The following LRRC4C variants were observed in gnomAD, a reference collection of about 807,000 sequenced individuals.
LRRC4C encodes leucine-rich repeat-containing protein 4C.
Under a neutral mutation model 33.6 loss-of-function variants are expected in LRRC4C, and 5 were observed. The ratio of observed to expected loss-of-function variants is 0.15; its 90% CI spans 0.08 to 0.31. The LOEUF (loss-of-function observed/expected upper bound fraction) is 0.31. Among genes scored for constraint, LRRC4C ranks in the 10% least tolerant of loss-of-function variants. The pLI is 1.00. For synonymous variants in LRRC4C, 329 were observed against 302.0 expected (o/e 1.09, Z -0.93); for missense variants, 560 against 796.7 (o/e 0.70, Z 3.58).
chr11:40,251,330 T>C (rs1866768918), intron 4 of LRRC4C, among the ~76,000 whole-genome samples: 3 of 152,176 alleles, frequency 2.0e-5, no homozygotes, highest in African/African-American at 7.2e-5. Context: ...TGTGTGATGT[T>C]ATTTAACTGC....
intron 1 of LRRC4C, among the ~76,000 whole-genome samples, chr11:40,978,534 C>A (rs964759962): frequency 6.6e-6 from 1 of 152,070 alleles, no homozygotes; most frequent in Admixed American, 6.5e-5. Context: ...GCCCCCTTCA[C>A]AACAAAAGAT....
chr11:40,661,603 G>A (rs1472752594), intron 2 of LRRC4C, among the ~76,000 whole-genome samples: 1 of 152,140 alleles, frequency 6.6e-6, no homozygotes, highest in Non-Finnish European at 1.5e-5. Context: ...CTCTTTAGAA[G>A]GTGGTAATAA....
chr11:41,097,471 T>C (rs1280319228), intron 1 of LRRC4C, among the ~76,000 whole-genome samples: 1 of 152,136 alleles, frequency 6.6e-6, no homozygotes, highest in East Asian at 1.9e-4. Flanking sequence ...ACAAAGAATG[T>C]TCTTCTGTAT....
At chr11:41,212,955 A>C (rs906162201) in intron 1 of LRRC4C, among the ~76,000 whole-genome samples, 4 of 152,180 alleles carry the variant, frequency 2.6e-5, no homozygotes, top group Non-Finnish European at 5.9e-5. Context: ...CACTGAATTC[A>C]ATCTTTGTTC....
At chr11:40,459,900 G>C (rs1214233281) in intron 3 of LRRC4C, among the ~76,000 whole-genome samples, 1 of 152,148 alleles carries the variant, frequency 6.6e-6, no homozygotes, top group East Asian at 1.9e-4. Context: ...CATCCATGAT[G>C]CAGCACGATG....
intron 1 of LRRC4C, among the ~76,000 whole-genome samples, chr11:41,389,026 A>G (rs1487325135): frequency 3.3e-5 from 5 of 151,908 alleles, no homozygotes; most frequent in Non-Finnish European, 7.4e-5. Flanking sequence ...CTGGCTAGGA[A>G]GGGATACGAT....
chr11:40,685,974 AG>A (rs1346582289), intron 2 of LRRC4C, among the ~76,000 whole-genome samples: 2 of 152,022 alleles, frequency 1.3e-5, no homozygotes, highest in Non-Finnish European at 2.9e-5. Flanking sequence ...TAAAAAAAAA[AG>A]ATCAAGAAAT....
At chr11:40,443,761 G>T (rs981500500) in intron 3 of LRRC4C, among the ~76,000 whole-genome samples, 1 of 152,044 alleles carries the variant, frequency 6.6e-6, no homozygotes, top group African/African-American at 2.4e-5. Flanking sequence ...TTTTAAAAAC[G>T]TATTTTCAAA....
intron 2 of LRRC4C, among the ~76,000 whole-genome samples, chr11:40,679,075 G>T (rs753447846): frequency 6.6e-6 from 1 of 152,186 alleles, no homozygotes; most frequent in Non-Finnish European, 1.5e-5. Flanking sequence ...AGATGGAGAT[G>T]AGGAACTTGT....
chr11:40,725,928 T>C (rs1947272037), intron 2 of LRRC4C, among the ~76,000 whole-genome samples: 1 of 152,102 alleles, frequency 6.6e-6, no homozygotes, highest in Non-Finnish European at 1.5e-5. Flanking sequence ...GAGCCAAGAA[T>C]ACAGCCTGTG....
chr11:40,312,903 C>A (rs552889306), intron 4 of LRRC4C, among the ~76,000 whole-genome samples: 4 of 152,252 alleles, frequency 2.6e-5, no homozygotes, highest in South Asian at 4.1e-4. Flanking sequence ...CATCTTGATA[C>A]CTTCACTGAC....
chr11:40,323,078 C>T (rs1945930952), intron 3 of LRRC4C, among the ~76,000 whole-genome samples: 1 of 152,092 alleles, frequency 6.6e-6, no homozygotes, highest in Admixed American at 6.6e-5. Context: ...ATGTTCAATA[C>T]CCTAAAATAA....
intron 1 of LRRC4C, among the ~76,000 whole-genome samples, chr11:41,039,737 C>G (rs574016637): frequency 6.6e-6 from 1 of 152,106 alleles, no homozygotes; most frequent in African/African-American, 2.4e-5. Flanking sequence ...TAAGGAAACC[C>G]TTTTAGAGGA....
intron 3 of LRRC4C, among the ~76,000 whole-genome samples, chr11:40,549,372 T>C (rs979157165): frequency 6.6e-6 from 1 of 152,160 alleles, no homozygotes; most frequent in Non-Finnish European, 1.5e-5. Flanking sequence ...AACACTTACC[T>C]CTTCCCCTCC....
intron 2 of LRRC4C, among the ~76,000 whole-genome samples, chr11:40,858,958 C>A (rs1295734189): frequency 6.6e-6 from 1 of 152,040 alleles, no homozygotes; most frequent in African/African-American, 2.4e-5. Flanking sequence ...CTTTTAAATT[C>A]TTTGAGAGCC....
intron 1 of LRRC4C, among the ~76,000 whole-genome samples, chr11:41,110,412 C>T (rs374371387): frequency 2.7e-4 from 41 of 151,962 alleles, no homozygotes; most frequent in South Asian, 1.9e-3. Flanking sequence ...TTATTGTTCC[C>T]ATCTTAAAAA....
chr11:40,121,759 T>C (rs1855844652), intron 6 of LRRC4C, among the ~76,000 whole-genome samples: 1 of 152,206 alleles, frequency 6.6e-6, no homozygotes, highest in African/African-American at 2.4e-5. Flanking sequence ...CTTAGCACAG[T>C]ATCATTGCTA....
At chr11:40,865,920 AAT>A (rs1284525504) in intron 2 of LRRC4C, among the ~76,000 whole-genome samples, 2 of 152,032 alleles carry the variant, frequency 1.3e-5, no homozygotes, top group African/African-American at 4.8e-5. Flanking sequence ...AACTATGTTC[AAT>A]ATGAGTTTGA....
At chr11:40,155,832 C>T (rs535431691) in intron 5 of LRRC4C, among the ~76,000 whole-genome samples, 2 of 151,748 alleles carry the variant, frequency 1.3e-5, no homozygotes, top group Non-Finnish European at 2.9e-5. Context: ...AAAGAAAGAA[C>T]CTTCCCTAAC....
Sources: allele counts gnomAD v4.1 joint callset (sites outside exome capture counted in the v4.1 genomes callset), GRCh38; gene constraint gnomAD v4.1.1; transcripts MANE v1.5; gene names NCBI Gene and HGNC (gene_info 2026-07-23, HGNC 2026-07-21).